The following KIF1B variants were observed in gnomAD, a reference collection of about 807,000 sequenced individuals.
The protein encoded by KIF1B is kinesin-like protein KIF1B.
Under a neutral mutation model 241.9 loss-of-function variants are expected in KIF1B, and 76 were observed. The observed-to-expected ratio is 0.31, with a 90% CI of 0.26 to 0.38. The LOEUF (loss-of-function observed/expected upper bound fraction) is 0.38. Among genes scored for constraint, KIF1B ranks in the 10% least tolerant of loss-of-function variants. The pLI is 1.00. For synonymous variants in KIF1B, 750 were observed against 796.7 expected (o/e 0.94, Z 0.99); for missense variants, 1,622 against 2,271.4 (o/e 0.71, Z 5.81).
Position 10,337,026 on chromosome 1 carries a change from AC to A in KIF1B, c.3130-47del. ...AGAAGTAAGGCAACTGGGGAAAAAT[AC>A]GTTTTTATACTACTTTACCATGTAT... On this transcript the variant is annotated intron_variant, in intron 29 of 48. Transcript: ENST00000676179. The surrounding 1 kb of genome is among the most constrained non-coding windows in gnomAD (Gnocchi z 4.0). 2 of 1,613,156 alleles carry A rather than the reference AC, an allele frequency of 1.2e-6. No homozygotes were observed. The highest frequency in any genetic ancestry group is 1.7e-6 in the Non-Finnish European group (2 of 1,179,552).
Position 10,379,140 on chromosome 1 carries a change from T to TA in KIF1B, c.*2554dup, listed in dbSNP as rs1029133303. On this transcript the variant is annotated 3_prime_UTR_variant, in exon 49 of 49. Transcript: ENST00000676179. ...AAAATTAAGTCATTGATGCTGCTGTTACAGAGTGTGACAGAGGATCCATGT... is the reference window on the plus strand; with the variant it reads ...AAAATTAAGTCATTGATGCTGCTGTTAACAGAGTGTGACAGAGGATCCATGT... 4.3e-6 allele frequency: 1 copy of TA among 232,106 alleles called. No individual in the cohort carries two copies. Among genetic ancestry groups the TA allele is most frequent in the Non-Finnish European group, 8.5e-6 (1 of 117,142 alleles). The allele number at this position is 232,106 out of a possible 1,614,324, so 14.4% of individuals were successfully genotyped here.
intron 41 of KIF1B, among the ~76,000 whole-genome samples, chr1:10,364,172 T>A (rs540800737): frequency 6.6e-6 from 1 of 151,678 alleles, no homozygotes; most frequent in African/African-American, 2.4e-5. Context: ...TCCGTCTTTT[T>A]AAAAATTTTT....
In KIF1B at chr1:10,232,324, T is replaced by G. The variant is rs200491456; in HGVS notation, c.-5T>G. 6.2e-7 allele frequency: 1 copy of G among 1,602,244 alleles called. No homozygotes were observed. The highest frequency in any genetic ancestry group is 1.1e-5 in the South Asian group (1 of 90,536). On this transcript the variant is annotated 5_prime_UTR_variant, in exon 2 of 49. Coordinates refer to ENST00000676179, the MANE Select transcript of KIF1B (RefSeq NM_001365951.3). The stretch of plus-strand genomic sequence containing the variant: ...TGCATATATATATATAACAAGGCCA[T>G]TAAAATGTCGGGAGCCTCAGTGAAG...
At chr1:10,331,510 G>A (rs1434551172) in intron 27 of KIF1B, among the ~76,000 whole-genome samples, 1 of 151,946 alleles carries the variant, frequency 6.6e-6, no homozygotes, top group Non-Finnish European at 1.5e-5. Flanking sequence ...TTTGTTATAT[G>A]TTTCATTTGT....
rs574627300 is a variant in KIF1B at position 10,370,596 on chromosome 1, G to T, written c.4825-545G>T. Among the ~76,000 whole-genome samples, 1,199 of 144,740 alleles carry T rather than the reference G, an allele frequency of 8.3e-3. 8 individuals are homozygous for T. The highest frequency in any genetic ancestry group is 0.018 in the African/African-American group (696 of 39,476). 95.0% of individuals were successfully genotyped at this position (144,740 alleles called of 152,430 possible). ...AAAATAATAATAATAATAATAATAA[G>T]AAGAAGAAGAAGAAGAAGACATAGC... On this transcript the variant is annotated intron_variant, in intron 44 of 48. Transcript: ENST00000676179.
intron 32 of KIF1B, among the ~76,000 whole-genome samples, chr1:10,341,642 T>A (rs1373866989): frequency 6.6e-6 from 1 of 152,158 alleles, no homozygotes; most frequent in African/African-American, 2.4e-5. Context: ...GAGTCCTGCA[T>A]AGTAAAATAC....
intron 37 of KIF1B, 24 bp downstream of exon 37, chr1:10,348,757 G>C (rs756745349): frequency 5.0e-6 from 8 of 1,585,112 alleles, no homozygotes; most frequent in Non-Finnish European, 6.9e-6. Flanking sequence ...ATCAGCCAAG[G>C]ATAGAACCAG....
intron 1 of KIF1B, among the ~76,000 whole-genome samples, chr1:10,231,164 C>T (rs1646977170): frequency 1.3e-5 from 2 of 152,004 alleles, no homozygotes; most frequent in African/African-American, 2.4e-5. Flanking sequence ...GAGCCGAGGT[C>T]GTGCCATTGC....
rs749389756 is a variant in KIF1B, at chr1:10,256,239, T to A, written c.107-8T>A. The A allele has an allele frequency of 4.1e-5, 64 of 1,566,326 alleles. No individual in the cohort carries two copies. Among genetic ancestry groups the A allele is most frequent in the Middle Eastern group, 1.7e-4 (1 of 6,020 alleles). ...TGACTTATAAAATGAAACATTTTTATCTTCTAGGTATTATTAACCCAAAGA... is the reference window on the plus strand; with the variant it reads ...TGACTTATAAAATGAAACATTTTTAACTTCTAGGTATTATTAACCCAAAGA... On this transcript the variant is annotated splice_polypyrimidine_tract_variant and splice_region_variant and intron_variant, in intron 2 of 48. Coordinates refer to ENST00000676179, the MANE Select transcript of KIF1B (RefSeq NM_001365951.3).
At chr1:10,350,732 T>G (rs1286327980) in intron 37 of KIF1B, among the ~76,000 whole-genome samples, 1 of 152,122 alleles carries the variant, frequency 6.6e-6, no homozygotes. Context: ...AGATGTAATT[T>G]TTTTCCCCAT....
At chr1:10,290,793 C>A (rs1421472045) in intron 15 of KIF1B, among the ~76,000 whole-genome samples, 1 of 151,542 alleles carries the variant, frequency 6.6e-6, no homozygotes, top group Non-Finnish European at 1.5e-5. Context: ...TCACTTGATC[C>A]CCAGAGGTGA....
intron 2 of KIF1B, among the ~76,000 whole-genome samples, chr1:10,253,934 G>T (rs1647611968): frequency 6.6e-6 from 1 of 152,322 alleles, no homozygotes; most frequent in South Asian, 2.1e-4. Context: ...AAGCACCGTA[G>T]CAACTGTTGC....
chr1:10,224,203 G>C (rs187696652), intron 1 of KIF1B, among the ~76,000 whole-genome samples: 1 of 151,968 alleles, frequency 6.6e-6, no homozygotes, highest in Non-Finnish European at 1.5e-5. Context: ...TGCAACCTCC[G>C]CCTCCCGGGT....
intron 1 of KIF1B, among the ~76,000 whole-genome samples, chr1:10,214,674 C>T (rs908409807): frequency 6.6e-6 from 1 of 151,462 alleles, no homozygotes; most frequent in Non-Finnish European, 1.5e-5. Context: ...CCTCCACCTC[C>T]TGGGTTCAAG....
At chr1:10,230,666 C>G (rs530147398) in intron 1 of KIF1B, 23 of 152,228 alleles carry the variant, frequency 1.5e-4, no homozygotes, top group African/African-American at 5.3e-4. Context: ...GATCTCCTGA[C>G]CTCAAGTGAT....
At chr1:10,243,562 C>A (rs1257339413) in intron 2 of KIF1B, among the ~76,000 whole-genome samples, 1 of 152,168 alleles carries the variant, frequency 6.6e-6, no homozygotes, top group African/African-American at 2.4e-5. Context: ...TACTCTTTCC[C>A]CATTTCACAG....
chr1:10,299,495 T>C (rs1650434615), intron 22 of KIF1B, among the ~76,000 whole-genome samples: 1 of 152,254 alleles, frequency 6.6e-6, no homozygotes, highest in Non-Finnish European at 1.5e-5. Flanking sequence ...AATGTCTTTA[T>C]ATATTACCCT....
At position 10,336,717 on chromosome 1, in the gene KIF1B, C is replaced by A. The variant is rs1652195142; in HGVS notation, c.3104C>A (p.Ser1035Tyr). 5.0e-6 allele frequency: 8 copies of A among 1,613,488 alleles called. No individual in the cohort carries two copies. The highest frequency in any genetic ancestry group is 6.8e-6 in the Non-Finnish European group (8 of 1,179,538). Residue 1035 changes from serine (S) to tyrosine (Y), a missense_variant, in exon 29 of 49, where the codon TCT becomes TAT. By Grantham distance (144) the Ser-to-Tyr change is moderately radical. Around this residue, in one of 7 missense-constraint regions of KIF1B, gnomAD observed 803 missense variants for 1,112.0 expected, o/e 0.72. Transcript: ENST00000676179. The part of the protein sequence containing the change: ...GIRQSGTAKI[S>Y]FDNEYFNQSD... ...CGACAGTCAGGAACAGCTAAAATAT[C>A]TTTTGATAATGAATACTTTAATCAG... is the stretch of plus-strand genomic sequence containing the variant.
At chr1:10,295,543 A>G in intron 18 of KIF1B, 117 bp from the exon 19 acceptor site, 2 of 909,506 alleles carry the variant, frequency 2.2e-6, no homozygotes, top group Non-Finnish European at 3.6e-6. Context: ...TTCTGATGCA[A>G]CAAGGCAATA....
Sources: allele counts gnomAD v4.1 joint callset (sites outside exome capture counted in the v4.1 genomes callset), GRCh38; gene constraint gnomAD v4.1.1; regional missense constraint gnomAD v4.1.1; non-coding constraint Gnocchi (gnomAD v3.1); transcripts MANE v1.5; gene names NCBI Gene and HGNC (gene_info 2026-07-23, HGNC 2026-07-21).